The following PLCL2 variants were observed in gnomAD, a reference collection of about 807,000 sequenced individuals.
PLCL2 encodes inactive phospholipase C-like protein 2.
Under a neutral mutation model 79.6 loss-of-function variants are expected in PLCL2, and 4 were observed. That is an observed-to-expected ratio of 0.05 (90% confidence interval 0.02 to 0.11). PLCL2 has a LOEUF of 0.11. PLCL2 is among the 10% of genes least tolerant of loss of function. The pLI is 1.00. For missense variants in PLCL2, 895 were observed against 1,291.0 expected, an observed-to-expected ratio of 0.69 and a Z score of 4.70; for synonymous variants, 484 against 457.7, an observed-to-expected ratio of 1.06 and a Z score of -0.73.
Position 16,979,714 on chromosome 3 carries a change from T to G in PLCL2, c.328-29960T>G, listed in dbSNP as rs575729256. Reference sequence around the variant, plus strand: ...GAATTTTTCTTAGTACAGAACAAAATGAAAAGTCTCCCATGTCTACCTCTT... The same window carrying G: ...GAATTTTTCTTAGTACAGAACAAAAGGAAAAGTCTCCCATGTCTACCTCTT... On this transcript the variant is annotated intron_variant, in intron 1 of 5. Coordinates refer to ENST00000615277, the MANE Select transcript of PLCL2 (RefSeq NM_001144382.2). 3.2e-3 allele frequency among the ~76,000 whole-genome samples: 469 copies of G among 146,528 alleles called. 3 individuals carry two copies. The highest frequency in any genetic ancestry group is 0.011 in the African/African-American group (427 of 39,240).
chr3:17,070,446 T>C (rs376566782), intron 5 of PLCL2, among the ~76,000 whole-genome samples: 7 of 152,216 alleles, frequency 4.6e-5, no homozygotes, highest in Admixed American at 2.6e-4. Flanking sequence ...CTCAGACTTA[T>C]GTTCATATGG....
intron 3 of PLCL2, among the ~76,000 whole-genome samples, chr3:17,019,828 T>C (rs1248185992): frequency 2.0e-5 from 3 of 152,168 alleles, no homozygotes. Context: ...TAAATGAGCT[T>C]GAATACACCC....
In PLCL2 at chr3:17,009,901, G is replaced by A. The variant is rs1406441884; in HGVS notation, c.555G>A (p.Lys185=). 2 of 1,613,200 alleles carry A rather than the reference G, an allele frequency of 1.2e-6. No homozygotes were observed. The highest frequency in any genetic ancestry group is 1.1e-5 in the South Asian group (1 of 91,082). Residue 185 remains lysine (K), a synonymous_variant, in exon 2 of 6, where the codon AAG becomes AAA. Coordinates refer to ENST00000615277, the MANE Select transcript of PLCL2 (RefSeq NM_001144382.2). The surrounding 1 kb of genome is among the most constrained non-coding windows in gnomAD (Gnocchi z 4.0). ...EPSKKDSEKA[K]IDIKSIKEVR... is the part of the protein sequence containing the mutation. The stretch of plus-strand genomic sequence containing the variant: ...CTAAGAAGGATTCTGAGAAAGCCAA[G>A]ATTGACATTAAATCCATCAAGGAAG...
At chr3:16,974,250 G>A (rs1199662987) in intron 1 of PLCL2, among the ~76,000 whole-genome samples, 20 of 152,132 alleles carry the variant, frequency 1.3e-4, no homozygotes, top group Non-Finnish European at 1.0e-4. Flanking sequence ...TTTTAAGCAG[G>A]CAGGAATCAA....
At chr3:17,024,635 C>T (rs1304870445) in intron 3 of PLCL2, among the ~76,000 whole-genome samples, 1 of 152,172 alleles carries the variant, frequency 6.6e-6, no homozygotes, top group Non-Finnish European at 1.5e-5. Flanking sequence ...GCTTAATTGG[C>T]TTTCCATGTG....
chr3:17,075,830 A>G (rs2065104102), intron 5 of PLCL2, among the ~76,000 whole-genome samples: 1 of 152,252 alleles, frequency 6.6e-6, no homozygotes, highest in Non-Finnish European at 1.5e-5. Context: ...TGAGTCATAC[A>G]AGTTAATGTA....
intron 5 of PLCL2, among the ~76,000 whole-genome samples, chr3:17,069,688 G>C (rs1004138507): frequency 6.6e-6 from 1 of 152,070 alleles, no homozygotes; most frequent in African/African-American, 2.4e-5. Flanking sequence ...TCCATCCTTG[G>C]AGCTGACAAT....
At chr3:16,910,494 G>A (rs915694816) in intron 1 of PLCL2, among the ~76,000 whole-genome samples, 5 of 151,868 alleles carry the variant, frequency 3.3e-5, no homozygotes, top group East Asian at 1.9e-4. Flanking sequence ...CCTGTCTCAC[G>A]CATCAGTCTT....
chr3:16,901,699 C>T (rs977266002), intron 1 of PLCL2, among the ~76,000 whole-genome samples: 3 of 152,288 alleles, frequency 2.0e-5, no homozygotes, highest in Non-Finnish European at 4.4e-5. Context: ...CGTGTTTCCC[C>T]CATCAGCCTG....
chr3:17,088,042 CT>C (rs2065238979), intron 5 of PLCL2, among the ~76,000 whole-genome samples: 1 of 152,122 alleles, frequency 6.6e-6, no homozygotes, highest in South Asian at 2.1e-4. Flanking sequence ...AATGAAGCTC[CT>C]TTAGTTAATC....
Position 17,011,009 on chromosome 3 carries a change from C to T in PLCL2, c.1663C>T (p.Leu555=), listed in dbSNP as rs542872198. Reference sequence around the variant, plus strand: ...ATCACCCAATGTTGAGGAATCTTATCTACCATCCCCAGATGTCCTGAAAGG... The same window carrying T: ...ATCACCCAATGTTGAGGAATCTTATTTACCATCCCCAGATGTCCTGAAAGG... ...TTSPNVEESY[L]PSPDVLKGKI... The change falls in exon 2 of 6, where the codon CTA becomes TTA. Residue 555 remains leucine, a synonymous_variant. Transcript: ENST00000615277. This position sits in a 1 kb window ranked among gnomAD's most constrained non-coding sequence, Gnocchi z 7.9. 38 of 1,613,936 alleles carry T rather than the reference C, an allele frequency of 2.4e-5. No individual in the cohort carries two copies. In the Admixed American group the frequency reaches 5.7e-4, roughly 24 times the overall value.
chr3:17,087,222 G>A (rs1361178997), intron 5 of PLCL2, among the ~76,000 whole-genome samples: 2 of 152,170 alleles, frequency 1.3e-5, no homozygotes, highest in African/African-American at 4.8e-5. Flanking sequence ...TTATAGCAGA[G>A]TTATTTTTAA....
At chr3:17,005,991 G>A (rs917492921) in intron 1 of PLCL2, among the ~76,000 whole-genome samples, 4 of 152,088 alleles carry the variant, frequency 2.6e-5, no homozygotes, top group African/African-American at 9.7e-5. Context: ...AGTATTTTGA[G>A]GCACAAGTGT....
intron 3 of PLCL2, among the ~76,000 whole-genome samples, chr3:17,021,794 A>G (rs961613996): frequency 3.3e-5 from 5 of 152,186 alleles, no homozygotes; most frequent in Non-Finnish European, 5.9e-5. Flanking sequence ...ATAGATTTCA[A>G]CATGTTGTCA....
At chr3:16,913,376 C>T (rs1162145469) in intron 1 of PLCL2, among the ~76,000 whole-genome samples, 2 of 150,844 alleles carry the variant, frequency 1.3e-5, no homozygotes, top group Non-Finnish European at 2.9e-5. Context: ...TCTAGTAAGA[C>T]TCTTCTGTGG....
intron 3 of PLCL2, among the ~76,000 whole-genome samples, chr3:17,041,996 G>A (rs1043056279): frequency 6.6e-6 from 1 of 151,942 alleles, no homozygotes; most frequent in African/African-American, 2.4e-5. Flanking sequence ...ATGGTTGGGT[G>A]TTTATTACTT....
intron 1 of PLCL2, among the ~76,000 whole-genome samples, chr3:16,907,669 A>T (rs1696781732): frequency 6.6e-6 from 1 of 152,142 alleles, no homozygotes; most frequent in Admixed American, 6.5e-5. Context: ...GTATATAATG[A>T]TGAGATTAGT....
chr3:16,921,786 A>G (rs1697129718), intron 1 of PLCL2, among the ~76,000 whole-genome samples: 1 of 152,162 alleles, frequency 6.6e-6, no homozygotes, highest in African/African-American at 2.4e-5. Context: ...CTTTCTATTA[A>G]TCAGGCAATC....
chr3:16,904,587 TCCTGGAAGCACAG>T (rs756369742), intron 1 of PLCL2, among the ~76,000 whole-genome samples: 14 of 152,154 alleles, frequency 9.2e-5, no homozygotes, highest in Non-Finnish European at 1.3e-4. Context: ...CCAGCTGCCA[TCCTGGAAGCACAG>T]CCTGGAAGCA....
Sources: gnomAD v4.1 joint callset for allele counts (sites outside exome capture counted in the v4.1 genomes callset) on GRCh38, gnomAD v4.1.1 for gene constraint, Gnocchi (gnomAD v3.1) non-coding constraint, MANE v1.5 for transcripts, NCBI Gene and HGNC (gene_info 2026-07-23, HGNC 2026-07-21) for gene names.